INSL6: variants seen among roughly 807,000 people sequenced by gnomAD.
INSL6 encodes insulin like 6.
A neutral mutation model predicts 9.4 loss-of-function variants in INSL6; 16 were observed. The observed-to-expected ratio is 1.70, with a 90% confidence interval of 1.15 to 2.59. INSL6 has a LOEUF of 2.59. INSL6 is among the 30% of genes most tolerant of loss of function. The pLI, the probability that INSL6 is intolerant of heterozygous loss-of-function variation, is 0.00. For synonymous variants in INSL6, 154 were observed against 96.9 expected, an observed-to-expected ratio of 1.59 and a Z score of -3.46; for missense variants, 391 against 257.3, an observed-to-expected ratio of 1.52 and a Z score of -3.56.
intron 1 of INSL6, among the ~76,000 whole-genome samples, chr9:5,178,185 A>G (rs1825358932): frequency 6.6e-6 from 1 of 152,182 alleles, no homozygotes; most frequent in Non-Finnish European, 1.5e-5. Flanking sequence ...TGCTGCTTTA[A>G]GTGGGACCCC....
the INSL6 span, chr9:5,112,891 G>T: frequency 2.7e-6 from 1 of 366,628 alleles, no homozygotes; most frequent in Non-Finnish European, 4.6e-6. Flanking sequence ...CCTCAGCCCC[G>T]TGGGCTGGGC....
chr9:5,184,189 T>C (rs371608935), intron 1 of INSL6, among the ~76,000 whole-genome samples: 4 of 152,234 alleles, frequency 2.6e-5, no homozygotes, highest in East Asian at 3.8e-4. Flanking sequence ...ACAATGTGCA[T>C]TGTTTGACTT....
chr9:5,179,655 T>C (rs1825400379), intron 1 of INSL6, among the ~76,000 whole-genome samples: 1 of 152,226 alleles, frequency 6.6e-6, no homozygotes, highest in African/African-American at 2.4e-5. Context: ...CATGGAATAC[T>C]ATGCAGCTAT....
the INSL6 span, among the ~76,000 whole-genome samples, chr9:5,047,951 A>G: frequency 6.6e-6 from 1 of 152,114 alleles, no homozygotes; most frequent in African/African-American, 2.4e-5. Flanking sequence ...GGTACATACT[A>G]TAATATTTAA....
chr9:5,044,754 T>C, the INSL6 span, among the ~76,000 whole-genome samples: 18 of 152,358 alleles, frequency 1.2e-4, no homozygotes. Flanking sequence ...TTGAATTTCT[T>C]TCTTTTTTAG....
At chr9:5,115,313 C>G in the INSL6 span, among the ~76,000 whole-genome samples, 1 of 152,122 alleles carries the variant, frequency 6.6e-6, no homozygotes, top group Non-Finnish European at 1.5e-5. Context: ...TGAAAAAAAG[C>G]TCATCATCAC....
At chr9:5,044,591 T>C in the INSL6 span, 1 of 988,570 alleles carries the variant, frequency 1.0e-6, no homozygotes, top group Non-Finnish European at 1.5e-6. Flanking sequence ...AGTCACTTAA[T>C]CAGGAAAAAC....
At chr9:5,134,203 C>G (rs1300223970) in intron 2 of INSL6, among the ~76,000 whole-genome samples, 1 of 151,958 alleles carries the variant, frequency 6.6e-6, no homozygotes, top group East Asian at 1.9e-4. Context: ...TGTGAAAAGA[C>G]CAAATCTACG....
chr9:5,089,537 CAAAAAAAAAAAAA>C, the INSL6 span: 24 of 87,062 alleles, frequency 2.8e-4, no homozygotes, highest in East Asian at 5.1e-3. Context: ...GACTTCGTCT[CAAAAAAAAAAAAA>C]AAAAAAAAAA....
the INSL6 span, among the ~76,000 whole-genome samples, chr9:5,007,535 TAAG>T: frequency 6.6e-6 from 1 of 152,094 alleles, no homozygotes; most frequent in African/African-American, 2.4e-5. Flanking sequence ...GTTGAGGTAT[TAAG>T]AATAGCATAA....
chr9:5,135,811 C>CA (rs1013957353), intron 2 of INSL6, among the ~76,000 whole-genome samples: 17 of 149,998 alleles, frequency 1.1e-4, no homozygotes, highest in South Asian at 4.2e-4. Flanking sequence ...AAAAACCCTT[C>CA]AAAAAAAATC....
At chr9:5,184,744 G>A (rs999657031) in intron 1 of INSL6, among the ~76,000 whole-genome samples, 4 of 152,202 alleles carry the variant, frequency 2.6e-5, no homozygotes, top group Non-Finnish European at 4.4e-5. Flanking sequence ...AGCCTGATAG[G>A]AGAACGGACC....
chr9:5,147,466 T>G (rs1389587882), intron 2 of INSL6, among the ~76,000 whole-genome samples: 2 of 152,060 alleles, frequency 1.3e-5, no homozygotes, highest in African/African-American at 2.4e-5. Context: ...GTCCAGGGAG[T>G]TGCCAAGTTG....
the INSL6 span, chr9:5,091,123 G>GTCTT: frequency 2.5e-6 from 1 of 400,206 alleles, no homozygotes; most frequent in Non-Finnish European, 4.4e-6. Context: ...ATTAAGTGTT[G>GTCTT]TCTTATTTAT....
chr9:5,077,613 T>C, the INSL6 span: 4 of 1,332,992 alleles, frequency 3.0e-6, no homozygotes, highest in South Asian at 1.7e-5. Context: ...CAAAAGATAC[T>C]ATTTTATTTT....
intron 1 of INSL6, among the ~76,000 whole-genome samples, chr9:5,176,961 C>G (rs1825322557): frequency 6.6e-6 from 1 of 151,970 alleles, no homozygotes; most frequent in Non-Finnish European, 1.5e-5. Context: ...TGAAATTAAC[C>G]AATGATACTG....
At chr9:5,114,736 G>A in the INSL6 span, 1 of 362,616 alleles carries the variant, frequency 2.8e-6, no homozygotes, top group Admixed American at 3.5e-5. Context: ...GAGTTCATCT[G>A]CTCTGTGGTC....
chr9:5,135,858 C>T (rs1273544810), intron 2 of INSL6, among the ~76,000 whole-genome samples: 1 of 151,520 alleles, frequency 6.6e-6, no homozygotes. Flanking sequence ...AAAAAATCAA[C>T]AAAATAGATA....
the INSL6 span, among the ~76,000 whole-genome samples, chr9:5,080,892 CTTTTTTTT>C: frequency 1.0e-5 from 1 of 95,616 alleles, no homozygotes; most frequent in Non-Finnish European, 1.9e-5. Flanking sequence ...AAGACCTTTT[CTTTTTTTT>C]TTTTTTTTTT....
Sources: allele counts gnomAD v4.1 joint callset (sites outside exome capture counted in the v4.1 genomes callset), GRCh38; gene constraint gnomAD v4.1.1; transcripts MANE v1.5; gene names NCBI Gene and HGNC (gene_info 2026-07-23, HGNC 2026-07-21).